Variants in GALNT17 observed in about 807,000 individuals in gnomAD.
The protein encoded by GALNT17 is polypeptide N-acetylgalactosaminyltransferase 17.
In GALNT17, 29 loss-of-function variants were observed where a neutral mutation model predicts 63.7. That is an observed-to-expected ratio of 0.46 (90% CI 0.34 to 0.62). The LOEUF (loss-of-function observed/expected upper bound fraction) is 0.62, where lower values mean the gene tolerates loss of function less well. GALNT17 is among the 20% of genes least tolerant of loss of function. The pLI, the probability that GALNT17 is intolerant of heterozygous loss-of-function variation, is 0.01. For synonymous variants in GALNT17, 305 were observed against 318.3 expected, an observed-to-expected ratio of 0.96 and a Z score of 0.45; for missense variants, 603 against 799.6, an observed-to-expected ratio of 0.75 and a Z score of 2.97.
At chr7:71,310,293 C>T (rs145590576) in intron 1 of GALNT17, among the ~76,000 whole-genome samples, 52 of 152,290 alleles carry the variant, frequency 3.4e-4, no homozygotes, top group African/African-American at 1.1e-3. Flanking sequence ...GGGGCTGAGA[C>T]GCTAAAGAAA....
At position 71,415,878 on chromosome 7, in the gene GALNT17, G is replaced by T. The variant is rs1236336852; in HGVS notation, c.590-11G>T. ...TGTTTATAGACCTTCTTGCATTTTT[G>T]TCATTTGCAGAGGAGCTGAAGGTCC... is the stretch of plus-strand genomic sequence containing the variant. On this transcript the variant is annotated splice_polypyrimidine_tract_variant and intron_variant, in intron 3 of 10. Transcript: ENST00000333538. The T allele has an allele frequency of 6.4e-7, 1 of 1,565,968 alleles. No individual in the cohort carries two copies.
At chr7:71,294,715 A>G (rs558330432) in intron 1 of GALNT17, among the ~76,000 whole-genome samples, 1 of 152,244 alleles carries the variant, frequency 6.6e-6, no homozygotes, top group Non-Finnish European at 1.5e-5. Context: ...ACGCCTGGCC[A>G]TATCTCATAA....
chr7:71,628,733 C>T (rs1790412127), intron 6 of GALNT17, among the ~76,000 whole-genome samples: 1 of 151,872 alleles, frequency 6.6e-6, no homozygotes, highest in South Asian at 2.1e-4. Context: ...GAGTTCGAGA[C>T]CAGCCTGGCC....
intron 5 of GALNT17, among the ~76,000 whole-genome samples, chr7:71,513,216 T>G (rs768910720): frequency 5.0e-4 from 76 of 152,142 alleles, no homozygotes; most frequent in Admixed American, 3.9e-4. Context: ...TTGCAGCTCT[T>G]TATTAGTCTG....
intron 5 of GALNT17, among the ~76,000 whole-genome samples, chr7:71,567,050 C>G (rs886595403): frequency 6.6e-6 from 1 of 152,168 alleles, no homozygotes; most frequent in East Asian, 1.9e-4. Context: ...CCAAAGCCAC[C>G]CCTTCAGGAG....
intron 1 of GALNT17, among the ~76,000 whole-genome samples, chr7:71,208,149 C>T (rs546268187): frequency 6.6e-6 from 1 of 152,226 alleles, no homozygotes; most frequent in Non-Finnish European, 1.5e-5. Flanking sequence ...GTTGCCTAGG[C>T]TGGTCTTGAA....
At chr7:71,163,461 A>G (rs1445510763) in intron 1 of GALNT17, among the ~76,000 whole-genome samples, 1 of 152,204 alleles carries the variant, frequency 6.6e-6, no homozygotes, top group Non-Finnish European at 1.5e-5. Context: ...GTGAAGAATA[A>G]GGAAGCAGAT....
chr7:71,676,423 G>C (rs1005296461), intron 8 of GALNT17, among the ~76,000 whole-genome samples: 1 of 150,524 alleles, frequency 6.6e-6, no homozygotes, highest in South Asian at 2.1e-4. Flanking sequence ...TTGCTCTGTC[G>C]CCCAGGCTGG....
At chr7:71,239,135 A>T (rs2116463055) in intron 1 of GALNT17, among the ~76,000 whole-genome samples, 1 of 152,224 alleles carries the variant, frequency 6.6e-6, no homozygotes, top group East Asian at 1.9e-4. Flanking sequence ...GCTATGCCCA[A>T]ATTTCCCACC....
At chr7:71,178,468 A>G (rs913338737) in intron 1 of GALNT17, among the ~76,000 whole-genome samples, 1 of 152,048 alleles carries the variant, frequency 6.6e-6, no homozygotes, top group African/African-American at 2.4e-5. Context: ...CTATTTCTTC[A>G]CGTCTTTTCT....
At chr7:71,450,231 G>T (rs1787235739) in intron 5 of GALNT17, among the ~76,000 whole-genome samples, 1 of 151,416 alleles carries the variant, frequency 6.6e-6, no homozygotes, top group Non-Finnish European at 1.5e-5. Context: ...TGCCTCTCGG[G>T]CTCAAGAAAT....
chr7:71,314,510 T>C (rs1234075566), intron 1 of GALNT17, among the ~76,000 whole-genome samples: 1 of 152,190 alleles, frequency 6.6e-6, no homozygotes, highest in African/African-American at 2.4e-5. Flanking sequence ...GTGATGGTCA[T>C]ATAACTTGAA....
intron 7 of GALNT17, among the ~76,000 whole-genome samples, chr7:71,666,392 G>C (rs1355310946): frequency 3.3e-5 from 5 of 149,450 alleles, no homozygotes; most frequent in Non-Finnish European, 7.4e-5. Context: ...TTTTATGGCA[G>C]CACAAAATTT....
intron 1 of GALNT17, among the ~76,000 whole-genome samples, chr7:71,306,201 CAG>C (rs1479186399): frequency 2.6e-5 from 4 of 152,288 alleles, no homozygotes; most frequent in Non-Finnish European, 1.5e-5. Flanking sequence ...GCATGGGTGA[CAG>C]AGTGAGATTT....
At chr7:71,228,687 T>C (rs533060942) in intron 1 of GALNT17, among the ~76,000 whole-genome samples, 68 of 152,330 alleles carry the variant, frequency 4.5e-4, no homozygotes, top group African/African-American at 1.5e-3. Context: ...TGTCTTCACC[T>C]CAACTCTTTT....
chr7:71,231,323 T>G (rs1583781899), intron 1 of GALNT17, among the ~76,000 whole-genome samples: 2 of 152,004 alleles, frequency 1.3e-5, no homozygotes. Flanking sequence ...TGAGCTGGTA[T>G]CTGGGTTTTC....
intron 1 of GALNT17, among the ~76,000 whole-genome samples, chr7:71,249,213 T>C (rs1002240798): frequency 1.3e-5 from 2 of 152,248 alleles, no homozygotes; most frequent in African/African-American, 4.8e-5. Context: ...TTTCCTTTCT[T>C]ACGTGGGTTA....
At chr7:71,669,613 G>A (rs187366581) in intron 7 of GALNT17, among the ~76,000 whole-genome samples, 2 of 148,576 alleles carry the variant, frequency 1.3e-5, no homozygotes, top group Admixed American at 6.7e-5. Flanking sequence ...CTGGGCTAGA[G>A]TGTAGTGGCA....
At chr7:71,369,980 G>A (rs917225840) in intron 2 of GALNT17, among the ~76,000 whole-genome samples, 12 of 152,158 alleles carry the variant, frequency 7.9e-5, no homozygotes, top group African/African-American at 2.9e-4. Context: ...GTCCTAGGGT[G>A]GAAGTGAGGT....
Sources: allele counts gnomAD v4.1 joint callset (sites outside exome capture counted in the v4.1 genomes callset), GRCh38; gene constraint gnomAD v4.1.1; transcripts MANE v1.5; gene names NCBI Gene and HGNC (gene_info 2026-07-23, HGNC 2026-07-21).